Variants in COL25A1 observed in about 807,000 individuals in gnomAD.
COL25A1 encodes collagen type XXV alpha 1 chain, also known as collagen alpha-1(XXV) chain.
A neutral mutation model predicts 128.4 loss-of-function variants in COL25A1; 103 were observed. The ratio of observed to expected loss-of-function variants is 0.80; its 90% CI spans 0.68 to 0.94. The LOEUF is 0.94. Ranked by LOEUF, COL25A1 falls within the 40% of genes least tolerant of loss-of-function variation. The probability of loss-of-function intolerance (pLI) is 0.00; values close to 1 mark genes in which losing one functional copy is unlikely to be tolerated. For missense variants in COL25A1, 745 were observed against 840.0 expected, an observed-to-expected ratio of 0.89 and a Z score of 1.40; for synonymous variants, 279 against 277.2, an observed-to-expected ratio of 1.01 and a Z score of -0.06.
chr4:109,169,274 A>G (rs1313517549), intron 3 of COL25A1, among the ~76,000 whole-genome samples: 1 of 152,092 alleles, frequency 6.6e-6, no homozygotes, highest in Non-Finnish European at 1.5e-5. Flanking sequence ...CTACTCCTCC[A>G]TTCTCTGCCT....
At chr4:109,008,474 T>A (rs1178454391) in intron 6 of COL25A1, among the ~76,000 whole-genome samples, 1 of 152,208 alleles carries the variant, frequency 6.6e-6, no homozygotes, top group East Asian at 1.9e-4. Context: ...AAGTTATTTA[T>A]GCTCAAATTC....
chr4:109,241,289 T>C (rs1779880069), intron 3 of COL25A1, among the ~76,000 whole-genome samples: 1 of 152,066 alleles, frequency 6.6e-6, no homozygotes, highest in Non-Finnish European at 1.5e-5. Context: ...TTTTCCTCTA[T>C]TTTGAAGCTA....
chr4:108,824,005 C>A (rs959365103), intron 35 of COL25A1, 169 bp downstream of exon 35: 18 of 1,589,726 alleles, frequency 1.1e-5, no homozygotes, highest in African/African-American at 1.4e-5. Context: ...GGCAGTACAG[C>A]CTTCTTCATT....
intron 24 of COL25A1, 36 bp downstream of exon 24, chr4:108,859,620 T>C (rs766574660): frequency 3.1e-5 from 49 of 1,586,758 alleles, no homozygotes; most frequent in Non-Finnish European, 4.1e-5. Flanking sequence ...TCAGCATCCT[T>C]CTCAGTGTGT....
intron 8 of COL25A1, among the ~76,000 whole-genome samples, chr4:108,948,048 T>C (rs1394926678): frequency 6.6e-6 from 1 of 152,136 alleles, no homozygotes; most frequent in Non-Finnish European, 1.5e-5. Context: ...GCAGCACAAA[T>C]AGAGATAAAT....
chr4:109,218,356 G>GGTTTTTTTTTGTTTT (rs1778162168), intron 3 of COL25A1, among the ~76,000 whole-genome samples: 1 of 100,470 alleles, frequency 1.0e-5, no homozygotes. Context: ...GGTTTTTTGG[G>GGTTTTTTTTTGTTTT]GTTTTTTTTT....
chr4:108,870,551 T>C (rs11945189), intron 19 of COL25A1, among the ~76,000 whole-genome samples: 3,202 of 152,128 alleles, frequency 0.021, 111 homozygotes, highest in African/African-American at 0.071. Flanking sequence ...TTACGACTAT[T>C]AGAAAGGAGA....
chr4:108,877,454 A>G (rs1739578000), intron 19 of COL25A1, among the ~76,000 whole-genome samples: 1 of 152,220 alleles, frequency 6.6e-6, no homozygotes, highest in African/African-American at 2.4e-5. Flanking sequence ...GGCTATATGT[A>G]CACACAGAAA....
intron 3 of COL25A1, among the ~76,000 whole-genome samples, chr4:109,196,825 A>C (rs191517577): frequency 2.1e-4 from 32 of 152,322 alleles, no homozygotes; most frequent in African/African-American, 7.5e-4. Context: ...ATCAATGTGC[A>C]AATACTGAAA....
At chr4:109,239,402 A>G (rs993485749) in intron 3 of COL25A1, among the ~76,000 whole-genome samples, 10 of 109,780 alleles carry the variant, frequency 9.1e-5, no homozygotes, top group African/African-American at 2.9e-4. Context: ...GTGTATATAT[A>G]TATATATATA....
intron 3 of COL25A1, among the ~76,000 whole-genome samples, chr4:109,062,608 A>AT (rs1762080946): frequency 6.6e-6 from 1 of 152,204 alleles, no homozygotes; most frequent in South Asian, 2.1e-4. Flanking sequence ...AATAGAATAC[A>AT]TTTTCATTAA....
chr4:108,888,782 T>C (rs913984526), intron 18 of COL25A1, among the ~76,000 whole-genome samples: 1 of 152,192 alleles, frequency 6.6e-6, no homozygotes, highest in African/African-American at 2.4e-5. Context: ...GGAAAAGGAA[T>C]ATAATTCATA....
intron 3 of COL25A1, among the ~76,000 whole-genome samples, chr4:109,129,696 A>T (rs1433561177): frequency 6.6e-6 from 1 of 152,222 alleles, no homozygotes; most frequent in Non-Finnish European, 1.5e-5. Context: ...TTCCTTCGAC[A>T]GATGTTAAAT....
At chr4:109,299,922 A>T (rs1725343976) in intron 3 of COL25A1, among the ~76,000 whole-genome samples, 1 of 152,122 alleles carries the variant, frequency 6.6e-6, no homozygotes, top group South Asian at 2.1e-4. Context: ...CTGTCCTTCT[A>T]CTAATATGCT....
intron 19 of COL25A1, among the ~76,000 whole-genome samples, chr4:108,877,675 A>C (rs1739619756): frequency 6.6e-6 from 1 of 151,950 alleles, no homozygotes; most frequent in Non-Finnish European, 1.5e-5. Context: ...AAAAAAAAAA[A>C]CAACACATGA....
chr4:108,940,750 A>G (rs1188551203), intron 9 of COL25A1, 104 bp from the exon 10 acceptor site: 3 of 720,236 alleles, frequency 4.2e-6, no homozygotes, highest in Non-Finnish European at 6.6e-6. Flanking sequence ...CATTTACACT[A>G]TGAAAAGAAC....
intron 11 of COL25A1, among the ~76,000 whole-genome samples, chr4:108,922,770 C>T (rs959024532): frequency 2.0e-5 from 3 of 152,178 alleles, no homozygotes; most frequent in Non-Finnish European, 4.4e-5. Flanking sequence ...ACTGCTACGT[C>T]TGGTAACCTC....
chr4:109,137,984 A>ATGTGTGTGTG (rs10700157), intron 3 of COL25A1, among the ~76,000 whole-genome samples: 187 of 142,568 alleles, frequency 1.3e-3, no homozygotes, highest in East Asian at 0.013. Context: ...TTATATATAT[A>ATGTGTGTGTG]TGTGTGTGTG....
At chr4:108,933,737 A>T (rs1747044577) in intron 11 of COL25A1, among the ~76,000 whole-genome samples, 1 of 152,104 alleles carries the variant, frequency 6.6e-6, no homozygotes, top group Non-Finnish European at 1.5e-5. Flanking sequence ...GTAGAACAGG[A>T]ATTATTACCT....
Sources: gnomAD v4.1 joint callset for allele counts (sites outside exome capture counted in the v4.1 genomes callset) on GRCh38, gnomAD v4.1.1 for gene constraint, MANE v1.5 for transcripts, NCBI Gene and HGNC (gene_info 2026-07-23, HGNC 2026-07-21) for gene names.